EDA: variants seen among roughly 807,000 people sequenced by gnomAD.
EDA encodes the protein ectodysplasin-A.
EDA carries 2 observed loss-of-function variants against 23.6 expected under a neutral mutation model. That is an observed-to-expected ratio of 0.08 (90% CI 0.03 to 0.27). The LOEUF is 0.27. Ranked by LOEUF, EDA falls within the 10% of genes least tolerant of loss-of-function variation. The probability of loss-of-function intolerance (pLI) is 1.00; values close to 1 mark genes in which losing one functional copy is unlikely to be tolerated. For synonymous variants in EDA, 131 were observed against 132.0 expected, an observed-to-expected ratio of 0.99 and a Z score of 0.05; for missense variants, 229 against 324.2, an observed-to-expected ratio of 0.71 and a Z score of 2.26.
intron 1 of EDA, among the ~76,000 whole-genome samples, chrX:69,765,845 C>A (rs1467276973): frequency 9.0e-6 from 1 of 111,403 alleles, no homozygotes; most frequent in Non-Finnish European, 1.9e-5. Flanking sequence ...CTCTTTCTTG[C>A]TATCTACCCC....
intron 1 of EDA, among the ~76,000 whole-genome samples, chrX:69,848,252 G>A (rs2017049122): frequency 9.0e-6 from 1 of 110,546 alleles, no homozygotes; most frequent in Non-Finnish European, 1.9e-5. Context: ...TTTTACCTTA[G>A]GCCACTTGAA....
intron 1 of EDA, among the ~76,000 whole-genome samples, chrX:69,896,853 G>C (rs1437255177): frequency 9.0e-6 from 1 of 111,252 alleles, no homozygotes; most frequent in Non-Finnish European, 1.9e-5. Context: ...TATTAAATTA[G>C]CTATTTTTAA....
intron 1 of EDA, among the ~76,000 whole-genome samples, chrX:69,757,426 G>T (rs1484991913): frequency 3.6e-5 from 4 of 111,753 alleles, no homozygotes; most frequent in Non-Finnish European, 5.6e-5. Context: ...TCTCTTTTTT[G>T]AATAATATTG....
intron 1 of EDA, among the ~76,000 whole-genome samples, chrX:69,790,092 A>AAATCCT (rs1458972022): frequency 5.4e-5 from 6 of 111,904 alleles, no homozygotes; most frequent in South Asian, 7.5e-4. Context: ...AATTCTTAAC[A>AAATCCT]AATCCTAATA....
At chrX:69,806,363 G>A (rs1386968747) in intron 1 of EDA, among the ~76,000 whole-genome samples, 1 of 110,877 alleles carries the variant, frequency 9.0e-6, no homozygotes, top group Non-Finnish European at 1.9e-5. Context: ...GAATAGTCTC[G>A]ACTTGTTCTA....
intron 2 of EDA, among the ~76,000 whole-genome samples, chrX:69,980,690 T>C (rs769897948): frequency 2.5e-4 from 28 of 112,309 alleles, no homozygotes; most frequent in Non-Finnish European, 4.7e-4. Context: ...TAAAAAATTA[T>C]CATTGATTAC....
At chrX:69,668,459 A>C in intron 1 of EDA, among the ~76,000 whole-genome samples, 1 of 111,925 alleles carries the variant, frequency 8.9e-6, no homozygotes, top group Non-Finnish European at 1.9e-5. Flanking sequence ...GTTTTTTTAT[A>C]CATTTGTTAG....
rs191385736 is a variant in EDA at position 69,912,240 on chromosome X, C to G, written c.397-44787C>G. ...TCCACCACATTTGCAGTTACTTCCTCCACTGAAGTCTTGAACCCCTCAAAG... is the reference window on the plus strand; with the variant it reads ...TCCACCACATTTGCAGTTACTTCCTGCACTGAAGTCTTGAACCCCTCAAAG... On this transcript the variant is annotated intron_variant, in intron 1 of 7. Transcript: ENST00000374552. 2.7e-5 allele frequency among the ~76,000 whole-genome samples: 3 copies of G among 111,966 alleles called. No individual in the cohort carries two copies. The East Asian group carries it at 8.5e-4, about 32-fold the overall frequency.
chrX:70,022,416 A>G (rs983643159), intron 2 of EDA, among the ~76,000 whole-genome samples: 1 of 108,475 alleles, frequency 9.2e-6, no homozygotes, highest in Admixed American at 1.0e-4. Flanking sequence ...GGTTCACTGC[A>G]AGCTCCACCT....
At chrX:69,786,276 G>A (rs1342142591) in intron 1 of EDA, among the ~76,000 whole-genome samples, 1 of 110,483 alleles carries the variant, frequency 9.1e-6, no homozygotes, top group Non-Finnish European at 1.9e-5. Context: ...AGGGTTTTTT[G>A]TGTCTCTATT....
At chrX:69,909,133 C>A (rs181515953) in intron 1 of EDA, among the ~76,000 whole-genome samples, 1 of 111,479 alleles carries the variant, frequency 9.0e-6, no homozygotes, top group African/African-American at 3.3e-5. Flanking sequence ...CTTTTCCCCC[C>A]AAATGTTTAT....
intron 1 of EDA, among the ~76,000 whole-genome samples, chrX:69,890,176 G>C (rs1007031893): frequency 3.6e-5 from 4 of 110,992 alleles, no homozygotes; most frequent in African/African-American, 1.3e-4. Context: ...CAAGGGAAGT[G>C]AAGGGCCTAT....
chrX:69,962,481 G>A (rs1176193875), intron 2 of EDA, among the ~76,000 whole-genome samples: 1 of 112,030 alleles, frequency 8.9e-6, no homozygotes, highest in African/African-American at 3.2e-5. Context: ...ACGCAGGCTG[G>A]AGTGCAGTGG....
intron 1 of EDA, among the ~76,000 whole-genome samples, chrX:69,794,184 C>A (rs907459475): frequency 9.2e-6 from 1 of 109,129 alleles, no homozygotes; most frequent in South Asian, 4.0e-4. Context: ...TTCAAAGGAC[C>A]ATACACAAGC....
chrX:69,644,730 G>C (rs1033926085), intron 1 of EDA, among the ~76,000 whole-genome samples: 3 of 111,406 alleles, frequency 2.7e-5, no homozygotes, highest in African/African-American at 9.8e-5. Context: ...TGCCCATTCA[G>C]TATACTATTG....
At chrX:69,735,135 C>T (rs1029034498) in intron 1 of EDA, among the ~76,000 whole-genome samples, 1 of 111,232 alleles carries the variant, frequency 9.0e-6, no homozygotes, top group African/African-American at 3.3e-5. Flanking sequence ...TGTTCATTGA[C>T]AGATGAATGA....
intron 1 of EDA, among the ~76,000 whole-genome samples, chrX:69,868,029 G>C (rs923391155): frequency 2.7e-5 from 3 of 111,718 alleles, no homozygotes; most frequent in African/African-American, 9.7e-5. Flanking sequence ...GCCAAGAGCT[G>C]TCTCTCAAAA....
intron 1 of EDA, chrX:69,616,963 C>G: frequency 2.3e-6 from 1 of 431,326 alleles, no homozygotes. Context: ...CGGGCTGCCT[C>G]GAGAAAAGTT....
At chrX:69,788,424 T>C (rs1451352746) in intron 1 of EDA, among the ~76,000 whole-genome samples, 12 of 112,300 alleles carry the variant, frequency 1.1e-4, no homozygotes, top group African/African-American at 3.6e-4. Context: ...TTTGTGGTTT[T>C]ATCTACTTTT....
Sources: allele counts gnomAD v4.1 joint callset (sites outside exome capture counted in the v4.1 genomes callset), GRCh38; gene constraint gnomAD v4.1.1; transcripts MANE v1.5; gene names NCBI Gene and HGNC (gene_info 2026-07-23, HGNC 2026-07-21).